Variants in SPRYD7 observed in about 807,000 individuals in gnomAD.
SPRYD7 encodes the protein SPRY domain containing 7, also known as SPRY domain-containing protein 7.
In SPRYD7, 14 loss-of-function variants were observed where a neutral mutation model predicts 23.8. The ratio of observed to expected loss-of-function variants is 0.59; its 90% CI spans 0.39 to 0.92. The LOEUF is 0.92. Among genes scored for constraint, SPRYD7 ranks in the 40% least tolerant of loss-of-function variants. The pLI, the probability that SPRYD7 is intolerant of heterozygous loss-of-function variation, is 0.00. For synonymous variants in SPRYD7, 75 were observed against 84.9 expected (o/e 0.88, Z 0.64); for missense variants, 194 against 241.7 (o/e 0.80, Z 1.31).
chr13:49,919,828 A>C (rs1555316394), intron 4 of SPRYD7, among the ~76,000 whole-genome samples: 1 of 151,170 alleles, frequency 6.6e-6, no homozygotes, highest in Non-Finnish European at 1.5e-5. Context: ...AAAGAAAGAG[A>C]CCTTTTTTTC....
intron 1 of SPRYD7, chr13:49,935,651 T>C (rs549248358): frequency 6.6e-6 from 1 of 152,338 alleles, no homozygotes; most frequent in East Asian, 1.9e-4. Context: ...CAGTCTGCCT[T>C]GTTTCGACTT....
chr13:49,919,830 CT>C (rs1415753732), intron 4 of SPRYD7, among the ~76,000 whole-genome samples: 4 of 149,134 alleles, frequency 2.7e-5, no homozygotes, highest in Non-Finnish European at 5.9e-5. Flanking sequence ...AGAAAGAGAC[CT>C]TTTTTTCGAG....
rs1407019837 is a variant in SPRYD7, at chr13:49,936,259, C to T, written c.-24G>A. ...ATCGCGCAGGGACCACCGACTCCGC[C>T]GCCGTCCCTAGACCGAGGCGACACT... On this transcript the variant is annotated 5_prime_UTR_variant, in exon 1 of 5. Transcript: ENST00000361840. 2 of 1,568,738 alleles carry T rather than the reference C, an allele frequency of 1.3e-6. No homozygotes were observed. Among genetic ancestry groups the T allele is most frequent in the African/African-American group, 1.4e-5 (1 of 73,424 alleles).
chr13:49,921,852 T>G (rs1206374029), intron 3 of SPRYD7, among the ~76,000 whole-genome samples: 1 of 152,244 alleles, frequency 6.6e-6, no homozygotes, highest in Non-Finnish European at 1.5e-5. Context: ...ATCTGGATTT[T>G]ATATTTTGAA....
At position 49,931,232 on chromosome 13, in the gene SPRYD7, T is replaced by C. The variant is rs563074647; in HGVS notation, c.107-98A>G. ...TCTTGCTCTGTCACCCAGGCTGGAG[T>C]GCAGTGGCACGGTCTTGGCTCACTG... On this transcript the variant is annotated intron_variant, in intron 1 of 4. Coordinates refer to ENST00000361840, the MANE Select transcript of SPRYD7 (RefSeq NM_020456.4). 6 of 690,080 alleles carry C rather than the reference T, an allele frequency of 8.7e-6. No homozygotes were observed. In the African/African-American group the frequency reaches 9.2e-5, roughly 11 times the overall value. The allele number at this position is 690,080 out of a possible 1,614,324, so 42.7% of individuals were successfully genotyped here. A position where few individuals can be genotyped will look rare whatever the true frequency, so the allele number is the denominator to read the frequency against.
At chr13:49,924,905 G>A (rs1216881471) in intron 3 of SPRYD7, among the ~76,000 whole-genome samples, 2 of 150,892 alleles carry the variant, frequency 1.3e-5, no homozygotes, top group African/African-American at 2.4e-5. Context: ...GAACCCGGGA[G>A]GTGAAGGTTG....
intron 4 of SPRYD7, among the ~76,000 whole-genome samples, chr13:49,921,169 T>G (rs1395171839): frequency 2.0e-5 from 3 of 152,118 alleles, no homozygotes; most frequent in Non-Finnish European, 4.4e-5. Flanking sequence ...GTTACACTCA[T>G]GCTGTTCTTG....
At chr13:49,931,340 T>G (rs999519619) in intron 1 of SPRYD7, among the ~76,000 whole-genome samples, 11 of 152,088 alleles carry the variant, frequency 7.2e-5, no homozygotes, top group African/African-American at 2.7e-4. Context: ...CCACCACACC[T>G]GGCTAAATTT....
At chr13:49,920,140 A>T (rs1955801822) in intron 4 of SPRYD7, among the ~76,000 whole-genome samples, 1 of 152,054 alleles carries the variant, frequency 6.6e-6, no homozygotes, top group Admixed American at 6.6e-5. Flanking sequence ...AGTCCCAGCT[A>T]CTGGGGTGGC....
intron 1 of SPRYD7, among the ~76,000 whole-genome samples, 185 bp downstream of exon 1, chr13:49,935,945 T>C (rs886949446): frequency 1.3e-5 from 2 of 151,856 alleles, no homozygotes; most frequent in Admixed American, 1.3e-4. Flanking sequence ...TGCGCAGCCT[T>C]GAACACAGAA....
chr13:49,933,391 A>C (rs1464831972), intron 1 of SPRYD7, among the ~76,000 whole-genome samples: 4 of 152,156 alleles, frequency 2.6e-5, no homozygotes, highest in African/African-American at 9.7e-5. Flanking sequence ...ACTTGAGGTC[A>C]GGAGTTCAAG....
chr13:49,933,183 T>C (rs1486887495), intron 1 of SPRYD7, among the ~76,000 whole-genome samples: 1 of 152,202 alleles, frequency 6.6e-6, no homozygotes, highest in Non-Finnish European at 1.5e-5. Flanking sequence ...TGTACAACAT[T>C]TGATCTAGGT....
chr13:49,925,169 G>A (rs1432172141), intron 3 of SPRYD7, among the ~76,000 whole-genome samples: 1 of 151,532 alleles, frequency 6.6e-6, no homozygotes, highest in South Asian at 2.1e-4. Flanking sequence ...AAGGTGGGTG[G>A]ATCACGAGGT....
chr13:49,923,552 G>A (rs776455739), intron 3 of SPRYD7, among the ~76,000 whole-genome samples: 24 of 152,202 alleles, frequency 1.6e-4, no homozygotes, highest in Admixed American at 5.2e-4. Flanking sequence ...CCTCAAACAA[G>A]CAAGTTTTAA....
intron 1 of SPRYD7, among the ~76,000 whole-genome samples, chr13:49,933,331 T>C (rs1871465618): frequency 6.6e-6 from 1 of 152,086 alleles, no homozygotes. Context: ...CCAGGCGAGG[T>C]GGCTAACACC....
intron 4 of SPRYD7, among the ~76,000 whole-genome samples, chr13:49,919,588 G>A (rs1955793820): frequency 6.6e-6 from 1 of 151,582 alleles, no homozygotes; most frequent in Admixed American, 6.6e-5. Context: ...TTAGCTGGGT[G>A]TGGTGATACA....
chr13:49,914,918 G>T lies in SPRYD7; in HGVS notation c.*145C>A. 2.4e-6 allele frequency: 1 copy of T among 423,466 alleles called. No homozygotes were observed. Among genetic ancestry groups the T allele is most frequent in the Non-Finnish European group, 4.3e-6 (1 of 231,236 alleles). 26.2% of individuals were successfully genotyped at this position (423,466 alleles called of 1,614,324 possible). Reference sequence around the variant, plus strand: ...GTATTTTAAATCACAACTTCAGGGTGGTATACTGAATACATTGGTTCCTTA... The same window carrying T: ...GTATTTTAAATCACAACTTCAGGGTTGTATACTGAATACATTGGTTCCTTA... On this transcript the variant is annotated 3_prime_UTR_variant, in exon 5 of 5. Transcript: ENST00000361840.
intron 3 of SPRYD7, among the ~76,000 whole-genome samples, chr13:49,927,508 C>G (rs1048054817): frequency 1.9e-4 from 29 of 149,156 alleles, no homozygotes; most frequent in Admixed American, 2.7e-4. Context: ...AAAAAAAAAA[C>G]AAGAAGAAGA....
At chr13:49,926,852 G>A (rs1209445333) in intron 3 of SPRYD7, among the ~76,000 whole-genome samples, 1 of 152,092 alleles carries the variant, frequency 6.6e-6, no homozygotes. Context: ...GGAGACTCTA[G>A]GACTCTGTTC....
Sources: gnomAD v4.1 joint callset for allele counts (sites outside exome capture counted in the v4.1 genomes callset) on GRCh38, gnomAD v4.1.1 for gene constraint, MANE v1.5 for transcripts, NCBI Gene and HGNC (gene_info 2026-07-23, HGNC 2026-07-21) for gene names.